The following PDE4D variants were observed in gnomAD, a reference collection of about 807,000 sequenced individuals.
The protein encoded by PDE4D is phosphodiesterase 4D, also known as 3',5'-cyclic-AMP phosphodiesterase 4D.
In PDE4D, 24 loss-of-function variants were observed where a neutral mutation model predicts 87.4. That is an observed-to-expected ratio of 0.27 (90% CI 0.20 to 0.39). The LOEUF (loss-of-function observed/expected upper bound fraction) is 0.39. Ranked by LOEUF, PDE4D falls within the 10% of genes least tolerant of loss-of-function variation. The pLI, the probability that PDE4D is intolerant of heterozygous loss-of-function variation, is 1.00. For synonymous variants in PDE4D, 384 were observed against 383.2 expected, an observed-to-expected ratio of 1.00 and a Z score of -0.02; for missense variants, 714 against 1,041.0, an observed-to-expected ratio of 0.69 and a Z score of 4.32.
In PDE4D at chr5:59,132,984, A is replaced by T. The variant is rs376735405; in HGVS notation, c.808+47611T>A. On this transcript the variant is annotated intron_variant, in intron 5 of 14. Coordinates refer to ENST00000340635, the MANE Select transcript of PDE4D (RefSeq NM_001104631.2). ...ATTAGCATTATGACCAGTGTATGTC[A>T]AAGAATACATTGGGATAAAAAATTC... Among the ~76,000 whole-genome samples the T allele has an allele frequency of 1.1e-4, 16 of 152,338 alleles. No homozygotes were observed. In the South Asian group the frequency reaches 3.1e-3, roughly 30 times the overall value.
intron 2 of PDE4D, among the ~76,000 whole-genome samples, chr5:59,199,121 A>G (rs376588938): frequency 9.2e-5 from 14 of 152,338 alleles, no homozygotes; most frequent in African/African-American, 3.1e-4. Context: ...TAATCCTACT[A>G]TATTTAAAGC....
chr5:59,724,980 AT>A (rs1427484844), intron 1 of PDE4D, among the ~76,000 whole-genome samples: 2 of 152,130 alleles, frequency 1.3e-5, no homozygotes, highest in African/African-American at 4.8e-5. Context: ...AAGTTATGTA[AT>A]ATTTTTGAAC....
At chr5:60,429,842 T>G (rs1023038811) in intron 1 of PDE4D, 26 of 344,346 alleles carry the variant, frequency 7.6e-5, no homozygotes, top group Admixed American at 1.7e-4. Flanking sequence ...TAGTTTTTTT[T>G]TTTTTGTTTT....
chr5:60,290,128 G>A (rs567830611), intron 1 of PDE4D, among the ~76,000 whole-genome samples: 3 of 152,090 alleles, frequency 2.0e-5, no homozygotes, highest in Non-Finnish European at 4.4e-5. Context: ...ACATGCATAC[G>A]GAACATATGT....
chr5:59,311,832 G>A (rs890666625), intron 1 of PDE4D, among the ~76,000 whole-genome samples: 1 of 152,072 alleles, frequency 6.6e-6, no homozygotes, highest in Non-Finnish European at 1.5e-5. Flanking sequence ...GGCCTAAAGG[G>A]AAGACCCTAA....
At chr5:59,562,458 C>G (rs1441955771) in intron 1 of PDE4D, among the ~76,000 whole-genome samples, 1 of 152,060 alleles carries the variant, frequency 6.6e-6, no homozygotes, top group African/African-American at 2.4e-5. Context: ...GAGATTTGAC[C>G]AGGATGATCC....
intron 1 of PDE4D, among the ~76,000 whole-genome samples, chr5:59,597,217 T>C (rs560001433): frequency 9.9e-5 from 15 of 152,104 alleles, no homozygotes; most frequent in African/African-American, 3.1e-4. Context: ...ATTATTTCCT[T>C]CCCTCCTGAA....
chr5:59,979,003 T>C (rs1394357747), intron 3 of PDE4D, among the ~76,000 whole-genome samples: 1 of 152,206 alleles, frequency 6.6e-6, no homozygotes, highest in Non-Finnish European at 1.5e-5. Flanking sequence ...CAATATAGTG[T>C]AAACATAAGT....
At chr5:59,109,512 C>T (rs1260094858) in intron 5 of PDE4D, among the ~76,000 whole-genome samples, 1 of 152,128 alleles carries the variant, frequency 6.6e-6, no homozygotes, top group Admixed American at 6.6e-5. Context: ...TTCTGATCTG[C>T]CAAGGGCTAG....
intron 1 of PDE4D, among the ~76,000 whole-genome samples, chr5:59,701,459 T>C (rs914604497): frequency 4.6e-5 from 7 of 152,230 alleles, no homozygotes; most frequent in Non-Finnish European, 7.3e-5. Flanking sequence ...GTACTGTAGA[T>C]ACCCATACAG....
intron 1 of PDE4D, among the ~76,000 whole-genome samples, chr5:59,882,949 T>C (rs1319831336): frequency 6.6e-6 from 1 of 152,162 alleles, no homozygotes; most frequent in East Asian, 1.9e-4. Flanking sequence ...GGATAAATTT[T>C]GTATTTTTTG....
chr5:60,258,921 T>C (rs1053515975), intron 1 of PDE4D, among the ~76,000 whole-genome samples: 21 of 151,950 alleles, frequency 1.4e-4, no homozygotes, highest in Non-Finnish European at 2.6e-4. Flanking sequence ...TACATAAAAA[T>C]TATCTTTGCA....
chr5:59,701,202 A>C (rs924482279), intron 1 of PDE4D, among the ~76,000 whole-genome samples: 1 of 152,032 alleles, frequency 6.6e-6, no homozygotes, highest in East Asian at 1.9e-4. Flanking sequence ...TCCACCCTAC[A>C]TTCATTCTTT....
At chr5:60,393,501 TA>T (rs1420478631) in intron 1 of PDE4D, among the ~76,000 whole-genome samples, 22 of 152,270 alleles carry the variant, frequency 1.4e-4, no homozygotes, top group African/African-American at 5.3e-4. Context: ...CTACTACAAA[TA>T]AAAAACACTA....
At chr5:60,255,266 C>T (rs1387396025) in intron 1 of PDE4D, among the ~76,000 whole-genome samples, 1 of 151,864 alleles carries the variant, frequency 6.6e-6, no homozygotes, top group Admixed American at 6.6e-5. Flanking sequence ...TGGGAGACTA[C>T]CTATGATCCC....
intron 1 of PDE4D, among the ~76,000 whole-genome samples, chr5:59,828,204 G>A (rs901333471): frequency 2.0e-5 from 3 of 151,604 alleles, no homozygotes; most frequent in Admixed American, 6.6e-5. Context: ...AAAAGAGAGA[G>A]AAAAAATGAT....
At chr5:60,387,061 G>C (rs1181842258) in intron 1 of PDE4D, among the ~76,000 whole-genome samples, 1 of 152,202 alleles carries the variant, frequency 6.6e-6, no homozygotes, top group Non-Finnish European at 1.5e-5. Flanking sequence ...ATTGGGTGTT[G>C]CCTCTCATCA....
At chr5:59,263,777 TAA>T (rs777184833) in intron 1 of PDE4D, among the ~76,000 whole-genome samples, 4 of 151,932 alleles carry the variant, frequency 2.6e-5, no homozygotes, top group Non-Finnish European at 5.9e-5. Flanking sequence ...GCAGGAAATT[TAA>T]AAAGTTTGTG....
chr5:59,513,386 A>G (rs948194697), intron 1 of PDE4D, among the ~76,000 whole-genome samples: 7 of 152,194 alleles, frequency 4.6e-5, no homozygotes, highest in Non-Finnish European at 2.9e-5. Flanking sequence ...TAGGTTTTCA[A>G]TCTCCTAAAA....
Sources: allele counts gnomAD v4.1 joint callset (sites outside exome capture counted in the v4.1 genomes callset), GRCh38; gene constraint gnomAD v4.1.1; transcripts MANE v1.5; gene names NCBI Gene and HGNC (gene_info 2026-07-23, HGNC 2026-07-21).